Variants in MECOM observed in about 807,000 individuals in gnomAD.
MECOM encodes MDS1 and EVI1 complex locus.
Under a neutral mutation model 116.3 loss-of-function variants are expected in MECOM, and 13 were observed. The observed-to-expected ratio is 0.11, with a 90% CI of 0.07 to 0.18. The LOEUF is 0.18. Among genes scored for constraint, MECOM ranks in the 10% least tolerant of loss-of-function variants. MECOM has a pLI of 1.00. For synonymous variants in MECOM, 528 were observed against 535.2 expected (o/e 0.99, Z 0.19); for missense variants, 1,299 against 1,509.0 (o/e 0.86, Z 2.31).
At chr3:169,648,846 C>A (rs978309461) in intron 1 of MECOM, among the ~76,000 whole-genome samples, 1 of 152,174 alleles carries the variant, frequency 6.6e-6, no homozygotes, top group African/African-American at 2.4e-5. Context: ...CTTTGGAAAC[C>A]ATGGAGACTT....
chr3:169,480,094 TA>T (rs1560331213), intron 1 of MECOM, among the ~76,000 whole-genome samples: 2 of 152,150 alleles, frequency 1.3e-5, no homozygotes, highest in African/African-American at 2.4e-5. Context: ...ACTATTGGTA[TA>T]AAAAAAGTAT....
rs1415631608 is a variant in MECOM at position 169,180,793 on chromosome 3, T to TTATATATATATATATATATATATATATA, written c.376-36962_376-36961insTATATATATATATATATATATATATATA. Among the ~76,000 whole-genome samples, 100 of 71,126 alleles carry TTATATATATATATATATATATATATATA rather than the reference T, an allele frequency of 1.4e-3. 11 individuals carry two copies. The highest frequency in any genetic ancestry group is 5.7e-3 in the East Asian group (10 of 1,764). 46.7% of individuals were successfully genotyped at this position (71,126 alleles called of 152,430 possible). ...TTATGTATGTGTGTGTGTGTGGAGA[T>TTATATATATATATATATATATATATATA]GATATATATATATATATATATCAGG... is the stretch of plus-strand genomic sequence containing the variant. On this transcript the variant is annotated intron_variant, in intron 2 of 16. Transcript: ENST00000651503.
At chr3:169,434,729 G>C (rs968152500) in intron 1 of MECOM, among the ~76,000 whole-genome samples, 1 of 152,170 alleles carries the variant, frequency 6.6e-6, no homozygotes, top group Non-Finnish European at 1.5e-5. Context: ...ATTTTTAAGA[G>C]AGGAGATGTT....
chr3:169,447,508 G>T lies in MECOM; in HGVS notation c.38-65984C>A, dbSNP rs551236239. On this transcript the variant is annotated intron_variant, in intron 1 of 16. Coordinates refer to ENST00000651503, the MANE Select transcript of MECOM (RefSeq NM_004991.4). The stretch of plus-strand genomic sequence containing the variant: ...AAGGCAGAATCATACCTTTCTCATT[G>T]ATTCTTATGTTTACAAAGTACCTTT... 7.9e-5 allele frequency among the ~76,000 whole-genome samples: 12 copies of T among 152,124 alleles called. No individual in the cohort carries two copies. In the South Asian group the frequency reaches 1.3e-3, roughly 16 times the overall value.
chr3:169,272,059 A>G (rs2149657119), intron 2 of MECOM, among the ~76,000 whole-genome samples: 1 of 152,254 alleles, frequency 6.6e-6, no homozygotes, highest in South Asian at 2.1e-4. Context: ...AATTTCTAAA[A>G]ATCTGGCTGG....
intron 1 of MECOM, among the ~76,000 whole-genome samples, chr3:169,577,473 C>CT (rs5854339): frequency 2.7e-4 from 40 of 147,398 alleles, no homozygotes; most frequent in South Asian, 2.1e-3. Context: ...GAAAAGTTGC[C>CT]TTTTTTTTTT....
At chr3:169,587,759 A>G (rs1765940879) in intron 1 of MECOM, among the ~76,000 whole-genome samples, 2 of 152,192 alleles carry the variant, frequency 1.3e-5, no homozygotes, top group Admixed American at 1.3e-4. Context: ...GTACACTGTC[A>G]TAGCCTAATG....
chr3:169,241,243 T>G (rs1754766605), intron 2 of MECOM, among the ~76,000 whole-genome samples: 1 of 152,024 alleles, frequency 6.6e-6, no homozygotes, highest in African/African-American at 2.4e-5. Context: ...AACGTAAATT[T>G]GTGATTCAGG....
chr3:169,593,993 C>T (rs1193553660), intron 1 of MECOM, among the ~76,000 whole-genome samples: 4 of 151,564 alleles, frequency 2.6e-5, no homozygotes, highest in East Asian at 1.9e-4. Context: ...TGGTGGTGCA[C>T]GCCTGTAGTC....
chr3:169,315,001 A>C lies in MECOM; in HGVS notation c.375+66186T>G, dbSNP rs9862933. Among the ~76,000 whole-genome samples, 506 of 152,276 alleles carry C rather than the reference A, an allele frequency of 3.3e-3. 2 individuals carry two copies. Among genetic ancestry groups the C allele is most frequent in the African/African-American group, 0.012 (487 of 41,554 alleles). ...GCCCTGTGTAGTTCCCATGCCTTCA[A>C]TTCCTCTTAACAGCTACTATTATCC... On this transcript the variant is annotated intron_variant, in intron 2 of 16. Transcript: ENST00000651503.
intron 2 of MECOM, among the ~76,000 whole-genome samples, chr3:169,281,876 A>G (rs1362756623): frequency 2.6e-5 from 4 of 152,160 alleles, no homozygotes; most frequent in Admixed American, 2.6e-4. Context: ...AAAGGAATGC[A>G]TTTGCAGAGA....
chr3:169,107,819 TG>T (rs1725931151), intron 10 of MECOM, 106 bp downstream of exon 10: 1 of 867,050 alleles, frequency 1.2e-6, no homozygotes, highest in Non-Finnish European at 1.8e-6. Flanking sequence ...TATCACGTAA[TG>T]GAAAGGGGTT....
At chr3:169,651,809 T>C (rs1774950859) in intron 1 of MECOM, among the ~76,000 whole-genome samples, 1 of 152,148 alleles carries the variant, frequency 6.6e-6, no homozygotes, top group African/African-American at 2.4e-5. Flanking sequence ...GGCAATTTGC[T>C]GTAAAAAGTT....
At chr3:169,639,158 G>A (rs968671381) in intron 1 of MECOM, among the ~76,000 whole-genome samples, 2 of 152,188 alleles carry the variant, frequency 1.3e-5, no homozygotes, top group South Asian at 2.1e-4. Context: ...TATTAATCCA[G>A]AGAGAAGTTG....
At chr3:169,134,541 G>A (rs1237292420) in intron 3 of MECOM, among the ~76,000 whole-genome samples, 1 of 152,146 alleles carries the variant, frequency 6.6e-6, no homozygotes, top group Non-Finnish European at 1.5e-5. Context: ...TATAATGAGG[G>A]CAGATTCTGG....
chr3:169,289,705 CT>C (rs1299930723), intron 2 of MECOM, among the ~76,000 whole-genome samples: 2 of 152,270 alleles, frequency 1.3e-5, no homozygotes, highest in Admixed American at 1.3e-4. Context: ...AAAAAATTAA[CT>C]CCTGATGAGT....
chr3:169,207,594 G>T (rs1750113318), intron 2 of MECOM, among the ~76,000 whole-genome samples: 1 of 152,156 alleles, frequency 6.6e-6, no homozygotes. Flanking sequence ...AAGTACATAT[G>T]TGTATAAATG....
chr3:169,531,626 T>C (rs1374229108), intron 1 of MECOM, among the ~76,000 whole-genome samples: 1 of 152,124 alleles, frequency 6.6e-6, no homozygotes, highest in African/African-American at 2.4e-5. Context: ...TGCGCTCCAA[T>C]ATTCTACATC....
intron 1 of MECOM, among the ~76,000 whole-genome samples, chr3:169,652,620 G>A (rs1048081116): frequency 6.6e-6 from 1 of 152,062 alleles, no homozygotes; most frequent in African/African-American, 2.4e-5. Context: ...AGTGGGGAGG[G>A]GCAGAGAAGA....
Sources: gnomAD v4.1 joint callset for allele counts (sites outside exome capture counted in the v4.1 genomes callset) on GRCh38, gnomAD v4.1.1 for gene constraint, MANE v1.5 for transcripts, NCBI Gene and HGNC (gene_info 2026-07-23, HGNC 2026-07-21) for gene names.